LNX1: variants seen among roughly 807,000 people sequenced by gnomAD.
LNX1 encodes E3 ubiquitin-protein ligase LNX.
Under a neutral mutation model 68.4 loss-of-function variants are expected in LNX1, and 54 were observed. That is an observed-to-expected ratio of 0.79 (90% CI 0.63 to 0.99). The LOEUF (loss-of-function observed/expected upper bound fraction) is 0.99, where lower values mean the gene tolerates loss of function less well. Among genes scored for constraint, LNX1 ranks in the 50% least tolerant of loss-of-function variants. The pLI is 0.00. For missense variants in LNX1, 906 were observed against 926.4 expected, an observed-to-expected ratio of 0.98 and a Z score of 0.29; for synonymous variants, 336 against 350.0, an observed-to-expected ratio of 0.96 and a Z score of 0.45.
chr4:53,525,812 A>C (rs555945763), intron 2 of LNX1, among the ~76,000 whole-genome samples: 168 of 152,328 alleles, frequency 1.1e-3, no homozygotes, highest in African/African-American at 3.9e-3. Context: ...TCTGAAGGCC[A>C]GGAAAGGGCT....
At chr4:53,551,876 G>T (rs918725429) in intron 2 of LNX1, among the ~76,000 whole-genome samples, 1 of 152,110 alleles carries the variant, frequency 6.6e-6, no homozygotes, top group Non-Finnish European at 1.5e-5. Flanking sequence ...AAGAATTGAG[G>T]TTGCTACAGA....
At chr4:53,481,146 T>C (rs1237915417) in intron 7 of LNX1, among the ~76,000 whole-genome samples, 2 of 152,236 alleles carry the variant, frequency 1.3e-5, no homozygotes, top group Non-Finnish European at 2.9e-5. Flanking sequence ...GCCTGAAGAA[T>C]GAATTCCACC....
chr4:53,567,365 G>A (rs1730772504), intron 2 of LNX1, among the ~76,000 whole-genome samples: 1 of 149,002 alleles, frequency 6.7e-6, no homozygotes. Context: ...TCAACTACAT[G>A]GAAACTGAAC....
At chr4:53,636,088 G>A (rs1734462457) in intron 1 of LNX1, among the ~76,000 whole-genome samples, 1 of 151,506 alleles carries the variant, frequency 6.6e-6, no homozygotes, top group Admixed American at 6.6e-5. Flanking sequence ...TTTATTGGTC[G>A]GCACTCCAAA....
At chr4:53,617,378 CAA>C in exon 1 of LNX1, 1 of 152,100 alleles carries the variant, frequency 6.6e-6, no homozygotes, top group Admixed American at 6.6e-5. Flanking sequence ...CCTGTGTTAG[CAA>C]CTAGGATAAT....
At chr4:53,501,150 C>T (rs1387791193) in intron 4 of LNX1, among the ~76,000 whole-genome samples, 1 of 152,050 alleles carries the variant, frequency 6.6e-6, no homozygotes, top group Non-Finnish European at 1.5e-5. Context: ...AATATTATGT[C>T]CTTACTCAAG....
chr4:53,539,445 G>C (rs1728601034), intron 2 of LNX1: 2 of 152,222 alleles, frequency 1.3e-5, no homozygotes, highest in African/African-American at 4.8e-5. Flanking sequence ...GCTCACTGCA[G>C]CCTCAACCTC....
At chr4:53,584,440 A>G (rs1265743608) in intron 1 of LNX1, among the ~76,000 whole-genome samples, 2 of 152,216 alleles carry the variant, frequency 1.3e-5, no homozygotes, top group Non-Finnish European at 2.9e-5. Context: ...GGCAATGTGT[A>G]TAATGCCCCA....
chr4:53,599,649 C>T (rs1732907063), intron 2 of LNX1, among the ~76,000 whole-genome samples: 1 of 152,162 alleles, frequency 6.6e-6, no homozygotes, highest in Non-Finnish European at 1.5e-5. Flanking sequence ...TTTCCTGTAA[C>T]AGTGCCAGTT....
Position 53,508,229 on chromosome 4 carries a change from T to C in LNX1, c.381-2A>G, listed in dbSNP as rs1339573308. 6.2e-7 allele frequency: 1 copy of C among 1,611,846 alleles called. No individual in the cohort carries two copies. The highest frequency in any genetic ancestry group is 8.5e-7 in the Non-Finnish European group (1 of 1,178,020). Reference sequence around the variant, plus strand: ...CCGTAGTGGGAGGCACCTTTACAGCTGTAACAGAACCAGCGGGGAGGTGAA... The same window carrying C: ...CCGTAGTGGGAGGCACCTTTACAGCCGTAACAGAACCAGCGGGGAGGTGAA... On this transcript the variant is annotated splice_acceptor_variant, in intron 2 of 10. Transcript: ENST00000263925. LOFTEE classifies it high-confidence loss of function.
chr4:53,645,162 A>G (rs1015014367), intron 1 of LNX1, among the ~76,000 whole-genome samples: 2 of 152,058 alleles, frequency 1.3e-5, no homozygotes, highest in Non-Finnish European at 2.9e-5. Context: ...GTAACCTAAA[A>G]ACACTCCGGG....
At chr4:53,625,760 C>T (rs1034432586) in intron 1 of LNX1, among the ~76,000 whole-genome samples, 1 of 152,064 alleles carries the variant, frequency 6.6e-6, no homozygotes, top group African/African-American at 2.4e-5. Context: ...TAAGCCACGA[C>T]TGCATCACTG....
intron 2 of LNX1, among the ~76,000 whole-genome samples, chr4:53,555,385 G>T (rs1374696096): frequency 6.6e-6 from 1 of 152,026 alleles, no homozygotes. Context: ...AGCACTTCAA[G>T]ATCCAGCTTA....
chr4:53,497,089 T>C (rs1165444021), intron 5 of LNX1, among the ~76,000 whole-genome samples: 1 of 152,190 alleles, frequency 6.6e-6, no homozygotes, highest in African/African-American at 2.4e-5. Context: ...GAAAGGAAGT[T>C]TCCAGGCTCT....
intron 2 of LNX1, among the ~76,000 whole-genome samples, chr4:53,536,429 A>G (rs1399983618): frequency 1.3e-5 from 2 of 152,210 alleles, no homozygotes; most frequent in Non-Finnish European, 1.5e-5. Flanking sequence ...CTAGAAATGT[A>G]TCTAGGAATG....
intron 8 of LNX1, among the ~76,000 whole-genome samples, chr4:53,477,981 C>T (rs1191799647): frequency 6.6e-6 from 1 of 152,114 alleles, no homozygotes; most frequent in Non-Finnish European, 1.5e-5. Flanking sequence ...TACCTACCCT[C>T]TTGAATGAAT....
chr4:53,498,125 T>G (rs1323988968), intron 5 of LNX1, among the ~76,000 whole-genome samples: 1 of 152,142 alleles, frequency 6.6e-6, no homozygotes, highest in Non-Finnish European at 1.5e-5. Context: ...GTTGGTGGAA[T>G]TAGCATAGAG....
chr4:53,609,800 A>G (rs1733406062), intron 2 of LNX1, among the ~76,000 whole-genome samples: 1 of 143,648 alleles, frequency 7.0e-6, no homozygotes, highest in Non-Finnish European at 1.5e-5. Flanking sequence ...TAAATATAAA[A>G]TATAAATAAC....
intron 6 of LNX1, among the ~76,000 whole-genome samples, chr4:53,484,671 AAC>A (rs1374321131): frequency 2.0e-5 from 3 of 152,178 alleles, no homozygotes; most frequent in Non-Finnish European, 4.4e-5. Flanking sequence ...GCACTCTTAT[AAC>A]ACTTCTTCTC....
Sources: gnomAD v4.1 joint callset for allele counts (sites outside exome capture counted in the v4.1 genomes callset) on GRCh38, gnomAD v4.1.1 for gene constraint, MANE v1.5 for transcripts, NCBI Gene and HGNC (gene_info 2026-07-23, HGNC 2026-07-21) for gene names.